FAT3: variants seen among roughly 807,000 people sequenced by gnomAD.
FAT3 encodes the protein FAT atypical cadherin 3.
Under a neutral mutation model 310.2 loss-of-function variants are expected in FAT3, and 95 were observed. The observed-to-expected ratio is 0.31, with a 90% CI of 0.26 to 0.36. FAT3 has a LOEUF of 0.36. Ranked by LOEUF, FAT3 falls within the 10% of genes least tolerant of loss-of-function variation. The probability of loss-of-function intolerance (pLI) is 1.00; values close to 1 mark genes in which losing one functional copy is unlikely to be tolerated. For synonymous variants in FAT3, 2,314 were observed against 2,192.9 expected (o/e 1.06, Z -1.54); for missense variants, 5,408 against 5,715.6 (o/e 0.95, Z 1.74).
At position 92,896,045 on chromosome 11, in the gene FAT3, A is replaced by C. The variant is rs1376438457; in HGVS notation, c.*4932A>C. 1.3e-5 allele frequency: 2 copies of C among 152,150 alleles called. No individual in the cohort carries two copies. Among genetic ancestry groups the C allele is most frequent in the Non-Finnish European group, 2.9e-5 (2 of 68,030 alleles). The allele number at this position is 152,150 out of a possible 1,614,324, so 9.4% of individuals were successfully genotyped here. ...TTTAACTTTCTCTGTTTTCAAGAAA[A>C]ATTGTCTTTATTGACATTTGTAAAA... On this transcript the variant is annotated 3_prime_UTR_variant, in exon 28 of 28. Coordinates refer to ENST00000525166, the MANE Select transcript of FAT3 (RefSeq NM_001367949.2).
intron 3 of FAT3, among the ~76,000 whole-genome samples, chr11:92,585,828 GTTT>G (rs35482303): frequency 0.071 from 10,681 of 150,152 alleles, 1,117 homozygotes; most frequent in African/African-American, 0.23. Context: ...TTGCTTTCCT[GTTT>G]TTTTTTTCCC....
chr11:92,445,610 G>A (rs906751449), intron 2 of FAT3, among the ~76,000 whole-genome samples: 1 of 152,202 alleles, frequency 6.6e-6, no homozygotes, highest in Non-Finnish European at 1.5e-5. Flanking sequence ...ACCTATGAGT[G>A]ATTCTAATGG....
rs573259887 is a variant in FAT3, at chr11:92,652,069, C to G, written c.3608-45315C>G. Among the ~76,000 whole-genome samples the G allele has an allele frequency of 3.9e-5, 6 of 152,252 alleles. No individual in the cohort carries two copies. The South Asian group carries it at 1.2e-3, about 32-fold the overall frequency. On this transcript the variant is annotated intron_variant, in intron 3 of 27. Coordinates refer to ENST00000525166, the MANE Select transcript of FAT3 (RefSeq NM_001367949.2). ...AGTGTGGAACACATAGATTCACTTG[C>G]AATCATCTCAGCAACCCCAGGAAGG...
intron 3 of FAT3, among the ~76,000 whole-genome samples, chr11:92,598,216 A>ATAT (rs1491183874): frequency 4.8e-5 from 3 of 62,420 alleles, no homozygotes; most frequent in Admixed American, 1.6e-4. Context: ...ATATGTATAC[A>ATAT]TATATATATA....
chr11:92,471,880 G>T (rs1005883094), intron 2 of FAT3, among the ~76,000 whole-genome samples: 1 of 139,458 alleles, frequency 7.2e-6, no homozygotes, highest in Non-Finnish European at 1.5e-5. Flanking sequence ...ATTATTGAAA[G>T]GTAAAAGTCT....
At chr11:92,641,155 A>G (rs1400973048) in intron 3 of FAT3, among the ~76,000 whole-genome samples, 1 of 152,108 alleles carries the variant, frequency 6.6e-6, no homozygotes, top group Non-Finnish European at 1.5e-5. Context: ...AGATTGTACC[A>G]CTGCACTCCA....
chr11:92,663,771 AAAG>A (rs1448380874), intron 3 of FAT3, among the ~76,000 whole-genome samples: 1 of 152,186 alleles, frequency 6.6e-6, no homozygotes, highest in Non-Finnish European at 1.5e-5. Context: ...ACTTTGGCTT[AAAG>A]AAGACCCACA....
chr11:92,407,961 G>A (rs1950167835), intron 2 of FAT3: 1 of 152,166 alleles, frequency 6.6e-6, no homozygotes, highest in African/African-American at 2.4e-5. Context: ...GAGGCAAAGT[G>A]GTGGCAAAGA....
rs374064015 is a variant in FAT3 at position 92,775,079 on chromosome 11, C to T, written c.4335+899C>T. 1.0e-3 allele frequency among the ~76,000 whole-genome samples: 152 copies of T among 152,200 alleles called. 1 individual carries two copies. Among genetic ancestry groups the T allele is most frequent in the East Asian group, 5.2e-3 (27 of 5,164 alleles). ...GTAACCCCTCTCTTAGTCCCTACTGCGCTCTGAGATTCCCCTAACCCCAGA... is the reference window on the plus strand; with the variant it reads ...GTAACCCCTCTCTTAGTCCCTACTGTGCTCTGAGATTCCCCTAACCCCAGA... On this transcript the variant is annotated intron_variant, in intron 7 of 27. Coordinates refer to ENST00000525166, the MANE Select transcript of FAT3 (RefSeq NM_001367949.2).
chr11:92,452,939 A>G (rs1181814328), intron 2 of FAT3, among the ~76,000 whole-genome samples: 1 of 151,816 alleles, frequency 6.6e-6, no homozygotes, highest in Non-Finnish European at 1.5e-5. Context: ...ATACCCAGCT[A>G]ATTTTTGTAT....
chr11:92,672,353 G>A (rs910590687), intron 3 of FAT3, among the ~76,000 whole-genome samples: 4 of 152,166 alleles, frequency 2.6e-5, no homozygotes, highest in Non-Finnish European at 5.9e-5. Flanking sequence ...TGTCAGATGG[G>A]CAGGAAAATC....
At chr11:92,568,472 C>T (rs942926246) in intron 3 of FAT3, among the ~76,000 whole-genome samples, 11 of 152,022 alleles carry the variant, frequency 7.2e-5, no homozygotes, top group Non-Finnish European at 1.0e-4. Flanking sequence ...CATTGCCTCA[C>T]GGGGATTGAT....
At chr11:92,775,099 C>T (rs892452524) in intron 7 of FAT3, among the ~76,000 whole-genome samples, 2 of 152,140 alleles carry the variant, frequency 1.3e-5, no homozygotes, top group Non-Finnish European at 2.9e-5. Context: ...TTCCCCTAAC[C>T]CCAGAAGGCA....
At chr11:92,635,605 G>A (rs1187911563) in intron 3 of FAT3, among the ~76,000 whole-genome samples, 1 of 152,122 alleles carries the variant, frequency 6.6e-6, no homozygotes, top group Non-Finnish European at 1.5e-5. Flanking sequence ...GCACCTTCCA[G>A]CCATTTGTTC....
intron 1 of FAT3, among the ~76,000 whole-genome samples, chr11:92,308,594 A>T (rs1023051600): frequency 9.9e-5 from 15 of 152,170 alleles, no homozygotes; most frequent in Non-Finnish European, 2.2e-4. Context: ...AAACACTAGA[A>T]TTGTGTTATG....
intron 1 of FAT3, among the ~76,000 whole-genome samples, chr11:92,277,276 A>C (rs1946297634): frequency 6.6e-6 from 1 of 152,088 alleles, no homozygotes. Context: ...TTATTGCTTT[A>C]TTTTTAGAGA....
At chr11:92,484,818 C>G (rs1348583292) in intron 2 of FAT3, among the ~76,000 whole-genome samples, 1 of 152,182 alleles carries the variant, frequency 6.6e-6, no homozygotes, top group Non-Finnish European at 1.5e-5. Context: ...ATTCTGCAAT[C>G]AGGCTGCAGG....
intron 6 of FAT3, among the ~76,000 whole-genome samples, chr11:92,767,479 C>T (rs1946343744): frequency 6.6e-6 from 1 of 152,092 alleles, no homozygotes; most frequent in African/African-American, 2.4e-5. Flanking sequence ...TAGTACATCC[C>T]ACCTACCACC....
At chr11:92,827,889 A>G (rs542413035) in intron 13 of FAT3, among the ~76,000 whole-genome samples, 1 of 152,322 alleles carries the variant, frequency 6.6e-6, no homozygotes, top group Non-Finnish European at 1.5e-5. Context: ...CACAGATAAC[A>G]TGCAGAAACC....
Sources: allele counts gnomAD v4.1 joint callset (sites outside exome capture counted in the v4.1 genomes callset), GRCh38; gene constraint gnomAD v4.1.1; transcripts MANE v1.5; gene names NCBI Gene and HGNC (gene_info 2026-07-23, HGNC 2026-07-21).